RBFOX1: variants seen among roughly 807,000 people sequenced by gnomAD.
The protein encoded by RBFOX1 is RNA binding protein fox-1 homolog 1.
RBFOX1 carries 8 observed loss-of-function variants against 57.7 expected under a neutral mutation model. The observed-to-expected ratio is 0.14, with a 90% confidence interval of 0.08 to 0.25. The LOEUF is 0.25. RBFOX1 is among the 10% of genes least tolerant of loss of function. The pLI, the probability that RBFOX1 is intolerant of heterozygous loss-of-function variation, is 1.00. For synonymous variants in RBFOX1, 326 were observed against 222.4 expected (o/e 1.47, Z -4.15); for missense variants, 611 against 548.5 (o/e 1.11, Z -1.14).
chr16:6,567,364 A>G (rs1029554057), intron 2 of RBFOX1, among the ~76,000 whole-genome samples: 1 of 152,180 alleles, frequency 6.6e-6, no homozygotes, highest in South Asian at 2.1e-4. Context: ...TGAAGATTAT[A>G]CAACTACTGA....
chr16:7,587,589 G>C (rs1206212828), intron 7 of RBFOX1, among the ~76,000 whole-genome samples: 1 of 152,082 alleles, frequency 6.6e-6, no homozygotes, highest in Non-Finnish European at 1.5e-5. Flanking sequence ...TTGTTTTTCA[G>C]TGATAATTAT....
intron 4 of RBFOX1, among the ~76,000 whole-genome samples, chr16:7,451,966 G>T (rs1243937455): frequency 6.6e-6 from 1 of 152,174 alleles, no homozygotes; most frequent in African/African-American, 2.4e-5. Context: ...GGTTTGGAAA[G>T]AGAAAGGAAC....
At chr16:6,612,429 C>T (rs2154026092) in intron 2 of RBFOX1, among the ~76,000 whole-genome samples, 1 of 152,296 alleles carries the variant, frequency 6.6e-6, no homozygotes, top group Non-Finnish European at 1.5e-5. Context: ...ATGTGCAGAT[C>T]TCTAATTACG....
intron 3 of RBFOX1, among the ~76,000 whole-genome samples, chr16:6,851,049 C>G (rs1271379825): frequency 1.3e-5 from 2 of 152,068 alleles, no homozygotes; most frequent in Non-Finnish European, 2.9e-5. Flanking sequence ...TAAAAAAGAA[C>G]AAATTATTGA....
chr16:5,905,558 C>T (rs2079980650), intron 4 of RBFOX1, among the ~76,000 whole-genome samples: 1 of 152,054 alleles, frequency 6.6e-6, no homozygotes, highest in African/African-American at 2.4e-5. Context: ...CAAAAAAATG[C>T]AAAAACTGGC....
At chr16:6,240,782 C>A (rs977043731) in intron 1 of RBFOX1, among the ~76,000 whole-genome samples, 2 of 149,586 alleles carry the variant, frequency 1.3e-5, no homozygotes, top group Non-Finnish European at 3.0e-5. Flanking sequence ...CTTTTCTATT[C>A]CATTTGGTCA....
rs983745040 is a variant in RBFOX1 at position 6,176,361 on chromosome 16, G to A, written c.-126-140634G>A. ...TTTAGTAGATATGGGGTTTCGCCATGTTGGCCAGGCTGGTCTCAAACTCCT... is the reference window on the plus strand; with the variant it reads ...TTTAGTAGATATGGGGTTTCGCCATATTGGCCAGGCTGGTCTCAAACTCCT... On this transcript the variant is annotated intron_variant, in intron 1 of 15. Coordinates refer to ENST00000550418, the MANE Select transcript of RBFOX1 (RefSeq NM_018723.4). 2.4e-5 allele frequency among the ~76,000 whole-genome samples: 3 copies of A among 126,848 alleles called. No homozygotes were observed. In the East Asian group the frequency reaches 6.9e-4, roughly 29 times the overall value. The allele number at this position is 126,848 out of a possible 152,430, so 83.2% of individuals were successfully genotyped here. A position where few individuals can be genotyped will look rare whatever the true frequency, so the allele number is the denominator to read the frequency against.
Position 7,548,149 on chromosome 16 carries a change from ATTCT to A in RBFOX1, c.270+29766_270+29769del, listed in dbSNP as rs1319234298. Among the ~76,000 whole-genome samples the A allele has an allele frequency of 2.0e-5, 3 of 152,110 alleles. No individual in the cohort carries two copies. In the East Asian group the frequency reaches 5.8e-4, roughly 29 times the overall value. ...CAAACCGAGGAGTTATTCACGTCATATTCTTTCTTACTCGTTTTTCATATTTTAT... is the reference window on the plus strand; with the variant it reads ...CAAACCGAGGAGTTATTCACGTCATATTCTTACTCGTTTTTCATATTTTAT... On this transcript the variant is annotated intron_variant, in intron 5 of 15. Transcript: ENST00000550418.
intron 11 of RBFOX1, among the ~76,000 whole-genome samples, chr16:7,637,511 C>A (rs184742221): frequency 1.3e-5 from 2 of 150,800 alleles, no homozygotes; most frequent in African/African-American, 5.0e-5. Context: ...TACTATTTTA[C>A]TTTTAGGTAA....
chr16:6,309,148 A>G (rs2079922167), intron 1 of RBFOX1, among the ~76,000 whole-genome samples: 1 of 152,014 alleles, frequency 6.6e-6, no homozygotes, highest in Non-Finnish European at 1.5e-5. Context: ...TACTCGGTGG[A>G]GAAATAATAT....
intron 4 of RBFOX1, among the ~76,000 whole-genome samples, chr16:5,958,392 C>T (rs906723952): frequency 6.6e-6 from 1 of 152,208 alleles, no homozygotes; most frequent in Non-Finnish European, 1.5e-5. Flanking sequence ...CCTGCTCCCT[C>T]AAAGCCTTCC....
intron 4 of RBFOX1, among the ~76,000 whole-genome samples, chr16:7,232,792 G>C (rs1035165403): frequency 2.0e-5 from 3 of 147,142 alleles, no homozygotes; most frequent in African/African-American, 7.6e-5. Context: ...CGTGAGCTGA[G>C]ATCACGCCAT....
intron 2 of RBFOX1, among the ~76,000 whole-genome samples, chr16:6,425,017 T>C (rs1351194570): frequency 6.6e-6 from 1 of 152,228 alleles, no homozygotes; most frequent in Admixed American, 6.5e-5. Flanking sequence ...ATATTGAAGA[T>C]GTGGATGAAC....
At chr16:7,427,991 T>C (rs183979648) in intron 4 of RBFOX1, among the ~76,000 whole-genome samples, 7 of 152,306 alleles carry the variant, frequency 4.6e-5, no homozygotes, top group Admixed American at 3.3e-4. Context: ...CAGATATCTT[T>C]TTACATTCCA....
intron 2 of RBFOX1, among the ~76,000 whole-genome samples, chr16:5,489,967 C>A (rs2042772114): frequency 1.3e-5 from 2 of 152,190 alleles, no homozygotes; most frequent in South Asian, 4.1e-4. Context: ...AGGTCAGACC[C>A]AGGCCTGGCC....
intron 4 of RBFOX1, among the ~76,000 whole-genome samples, chr16:7,495,997 A>C (rs527865904): frequency 5.3e-5 from 8 of 152,308 alleles, no homozygotes; most frequent in African/African-American, 1.9e-4. Context: ...CCATACAGAG[A>C]AGAAGCTAAT....
At chr16:6,835,341 C>T (rs2093015071) in intron 3 of RBFOX1, among the ~76,000 whole-genome samples, 1 of 152,102 alleles carries the variant, frequency 6.6e-6, no homozygotes. Flanking sequence ...GGCATAGACT[C>T]CTTGATATTT....
At chr16:6,425,346 C>G (rs866430322) in intron 2 of RBFOX1, among the ~76,000 whole-genome samples, 14 of 152,148 alleles carry the variant, frequency 9.2e-5, no homozygotes, top group African/African-American at 3.1e-4. Context: ...ATTGTCTTCT[C>G]ATTTAAATGC....
Position 7,332,845 on chromosome 16 carries a change from C to A in RBFOX1, c.28-185302C>A. The A allele has an allele frequency of 2.8e-6, 4 of 1,451,822 alleles. No homozygotes were observed. In the South Asian group the frequency reaches 6.1e-5, roughly 22 times the overall value. 89.9% of individuals were successfully genotyped at this position (1,451,822 alleles called of 1,614,324 possible). ...ATTAAGAGTTGCTGATGCGGATTTT[C>A]TTTCTTTCCTCTCCCGGCGTTGATG... is the stretch of plus-strand genomic sequence containing the variant. On this transcript the variant is annotated intron_variant, in intron 4 of 15. Transcript: ENST00000550418.
Sources: allele counts gnomAD v4.1 joint callset (sites outside exome capture counted in the v4.1 genomes callset), GRCh38; gene constraint gnomAD v4.1.1; transcripts MANE v1.5; gene names NCBI Gene and HGNC (gene_info 2026-07-23, HGNC 2026-07-21).